Variants in SPON1 observed in about 807,000 individuals in gnomAD.
SPON1 encodes the protein spondin 1, also known as spondin-1.
Under a neutral mutation model 111.7 loss-of-function variants are expected in SPON1, and 52 were observed. The ratio of observed to expected loss-of-function variants is 0.47; its 90% CI spans 0.37 to 0.59. The LOEUF (loss-of-function observed/expected upper bound fraction) is 0.59, where lower values mean the gene tolerates loss of function less well. Ranked by LOEUF, SPON1 falls within the 20% of genes least tolerant of loss-of-function variation. The probability of loss-of-function intolerance (pLI) is 0.00; values close to 1 mark genes in which losing one functional copy is unlikely to be tolerated. For missense variants in SPON1, 957 were observed against 1,068.5 expected, an observed-to-expected ratio of 0.90 and a Z score of 1.46; for synonymous variants, 410 against 395.8, an observed-to-expected ratio of 1.04 and a Z score of -0.43.
chr11:14,265,387 A>G (rs1442131374), intron 15 of SPON1, 137 bp from the exon 16 acceptor site: 17 of 1,030,462 alleles, frequency 1.6e-5, no homozygotes, highest in African/African-American at 4.9e-5. Context: ...ACTGTCCCTA[A>G]TAACGACTCT....
chr11:14,065,680 C>T (rs374566955), intron 3 of SPON1, among the ~76,000 whole-genome samples: 8 of 152,196 alleles, frequency 5.3e-5, no homozygotes, highest in African/African-American at 1.7e-4. Context: ...TGCCCTTCTG[C>T]GTATCTACTG....
rs143665202 is a variant in SPON1, at chr11:14,069,583, C to T, written c.480-5762C>T. Among the ~76,000 whole-genome samples the T allele has an allele frequency of 9.9e-3, 1,505 of 152,160 alleles. 12 individuals carry two copies. The highest frequency in any genetic ancestry group is 0.024 in the Middle Eastern group (7 of 292). Reference sequence around the variant, plus strand: ...TTTCCAGTTTCCTTTTTCTGTTTATCTCTTTTCACCCACTAGCATAGGAGC... The same window carrying T: ...TTTCCAGTTTCCTTTTTCTGTTTATTTCTTTTCACCCACTAGCATAGGAGC... On this transcript the variant is annotated intron_variant, in intron 3 of 15. Transcript: ENST00000576479.
intron 5 of SPON1, among the ~76,000 whole-genome samples, chr11:14,126,443 T>C (rs1847460413): frequency 6.6e-6 from 1 of 152,226 alleles, no homozygotes; most frequent in Non-Finnish European, 1.5e-5. Flanking sequence ...ACTACACATA[T>C]ACTCAAAATT....
At chr11:14,156,941 C>T (rs1847855230) in intron 6 of SPON1, among the ~76,000 whole-genome samples, 1 of 152,224 alleles carries the variant, frequency 6.6e-6, no homozygotes, top group African/African-American at 2.4e-5. Context: ...TCAATCACCT[C>T]TGACCAGACC....
chr11:14,106,066 T>C (rs1040867997), intron 5 of SPON1, among the ~76,000 whole-genome samples: 3 of 152,156 alleles, frequency 2.0e-5, no homozygotes, highest in Middle Eastern at 3.2e-3. Flanking sequence ...TTTGAACTGA[T>C]TTGAGAGGGA....
chr11:14,028,568 GT>G (rs1848535955), intron 2 of SPON1, among the ~76,000 whole-genome samples: 1 of 152,140 alleles, frequency 6.6e-6, no homozygotes, highest in African/African-American at 2.4e-5. Flanking sequence ...CATATAGCCA[GT>G]GAGAATCTTC....
At chr11:13,994,118 G>A (rs959730918) in intron 2 of SPON1, among the ~76,000 whole-genome samples, 8 of 152,154 alleles carry the variant, frequency 5.3e-5, no homozygotes, top group Admixed American at 5.2e-4. Context: ...AGCCACGTTA[G>A]AACCTAAAAG....
chr11:14,225,351 A>C (rs1554938024), intron 6 of SPON1, among the ~76,000 whole-genome samples: 1 of 152,160 alleles, frequency 6.6e-6, no homozygotes, highest in African/African-American at 2.4e-5. Context: ...GGAAAAATTT[A>C]TTATAAAAAT....
intron 6 of SPON1, among the ~76,000 whole-genome samples, chr11:14,164,273 C>T (rs1341667168): frequency 6.6e-6 from 1 of 152,188 alleles, no homozygotes; most frequent in Non-Finnish European, 1.5e-5. Context: ...TCCAGTGCAT[C>T]TAACATGTAT....
chr11:14,125,598 T>G (rs2133855918), intron 5 of SPON1, among the ~76,000 whole-genome samples: 1 of 152,332 alleles, frequency 6.6e-6, no homozygotes, highest in South Asian at 2.1e-4. Context: ...TAGGACATTC[T>G]GTAGAGAAGC....
chr11:13,973,871 A>G (rs547254592), intron 1 of SPON1, among the ~76,000 whole-genome samples: 10 of 152,324 alleles, frequency 6.6e-5, no homozygotes, highest in Non-Finnish European at 1.0e-4. Context: ...TACGTCTGTT[A>G]TAGAAAAATG....
chr11:14,021,283 G>A (rs1280464252), intron 2 of SPON1, among the ~76,000 whole-genome samples: 2 of 152,040 alleles, frequency 1.3e-5, no homozygotes, highest in Admixed American at 6.6e-5. Context: ...ATAAATATGT[G>A]TTGAATGAGT....
At chr11:13,997,897 G>A (rs1283335433) in intron 2 of SPON1, among the ~76,000 whole-genome samples, 1 of 151,998 alleles carries the variant, frequency 6.6e-6, no homozygotes, top group African/African-American at 2.4e-5. Flanking sequence ...CTTGGCAAAA[G>A]GCTCCGCACC....
In SPON1 at chr11:14,135,237, C is replaced by A; in HGVS notation, c.677-183C>A. 1 of 591,864 alleles carries A rather than the reference C, an allele frequency of 1.7e-6. No individual in the cohort carries two copies. The allele number at this position is 591,864 out of a possible 1,614,324, so 36.7% of individuals were successfully genotyped here. On this transcript the variant is annotated intron_variant, in intron 5 of 15. Transcript: ENST00000576479. The surrounding 1 kb of genome is among the most constrained non-coding windows in gnomAD (Gnocchi z 4.4). ...CTGCTGTTGACCTGTCTGTACATTC[C>A]CAAGACCTATTTGCTTATAGGAACT... is the stretch of plus-strand genomic sequence containing the variant.
intron 5 of SPON1, among the ~76,000 whole-genome samples, chr11:14,099,567 T>C (rs1310816569): frequency 1.3e-5 from 2 of 152,240 alleles, no homozygotes; most frequent in African/African-American, 2.4e-5. Flanking sequence ...AGTGCTTTTG[T>C]GCACTTTATC....
chr11:13,986,005 A>AT (rs1418123900), intron 2 of SPON1, among the ~76,000 whole-genome samples: 7 of 151,932 alleles, frequency 4.6e-5, no homozygotes, highest in Non-Finnish European at 7.4e-5. Flanking sequence ...TCATGAAAGT[A>AT]TTTTTTCTCT....
intron 2 of SPON1, among the ~76,000 whole-genome samples, chr11:14,021,080 G>T (rs1422157044): frequency 4.6e-5 from 7 of 152,028 alleles, no homozygotes. Flanking sequence ...GATCCAACAG[G>T]TGGTTTTATC....
At chr11:14,088,067 G>C (rs1302350764) in intron 5 of SPON1, among the ~76,000 whole-genome samples, 2 of 152,130 alleles carry the variant, frequency 1.3e-5, no homozygotes, top group African/African-American at 4.8e-5. Flanking sequence ...ACACTGATGA[G>C]TCTTGACTCT....
intron 6 of SPON1, among the ~76,000 whole-genome samples, chr11:14,199,656 C>G (rs1554935415): frequency 6.6e-6 from 1 of 152,220 alleles, no homozygotes; most frequent in Non-Finnish European, 1.5e-5. Flanking sequence ...GCTTAAATTC[C>G]TCTGTGCTTC....
Sources: allele counts gnomAD v4.1 joint callset (sites outside exome capture counted in the v4.1 genomes callset), GRCh38; gene constraint gnomAD v4.1.1; non-coding constraint Gnocchi (gnomAD v3.1); transcripts MANE v1.5; gene names NCBI Gene and HGNC (gene_info 2026-07-23, HGNC 2026-07-21).